Variants in TNKS observed in about 807,000 individuals in gnomAD.
TNKS encodes the protein tankyrase, also known as poly [ADP-ribose] polymerase tankyrase-1.
TNKS carries 72 observed loss-of-function variants against 135.8 expected under a neutral mutation model. The ratio of observed to expected loss-of-function variants is 0.53; its 90% confidence interval spans 0.44 to 0.64. TNKS has a LOEUF of 0.64. TNKS is among the 30% of genes least tolerant of loss of function. TNKS has a pLI of 0.00. For synonymous variants in TNKS, 849 were observed against 649.3 expected (o/e 1.31, Z -4.68); for missense variants, 1,769 against 1,674.0 (o/e 1.06, Z -0.99).
chr8:9,621,668 A>G (rs1455854259), intron 3 of TNKS, among the ~76,000 whole-genome samples: 1 of 152,142 alleles, frequency 6.6e-6, no homozygotes, highest in Non-Finnish European at 1.5e-5. Context: ...GGCATATTGC[A>G]TACCATGTGT....
intron 18 of TNKS, 120 bp downstream of exon 18, chr8:9,748,332 G>C (rs1806344459): frequency 2.2e-6 from 2 of 893,842 alleles, no homozygotes; most frequent in South Asian, 1.1e-4. Context: ...GAGATCTTCT[G>C]AAAATTTTTG....
At chr8:9,659,997 T>C (rs1484165133) in intron 3 of TNKS, among the ~76,000 whole-genome samples, 1 of 152,126 alleles carries the variant, frequency 6.6e-6, no homozygotes, top group Non-Finnish European at 1.5e-5. Flanking sequence ...AAGAAATGGA[T>C]AAATTCCTCG....
chr8:9,632,389 G>A (rs778097700), intron 3 of TNKS, among the ~76,000 whole-genome samples: 1 of 152,010 alleles, frequency 6.6e-6, no homozygotes, highest in Non-Finnish European at 1.5e-5. Context: ...AATTATTAAC[G>A]TATTTCAGGG....
intron 2 of TNKS, among the ~76,000 whole-genome samples, chr8:9,601,703 A>G (rs544155713): frequency 6.6e-6 from 1 of 152,288 alleles, no homozygotes; most frequent in East Asian, 1.9e-4. Context: ...CCTTTGTGAT[A>G]AAAAAGCTCT....
At chr8:9,698,373 T>TAAAAAAAAAAAAAAAA (rs1585342719) in intron 5 of TNKS, among the ~76,000 whole-genome samples, 1 of 12,278 alleles carries the variant, frequency 8.1e-5, no homozygotes, top group African/African-American at 3.0e-4. Context: ...AATTTTAAAA[T>TAAAAAAAAAAAAAAAA]GAAAAAAAAA....
At chr8:9,680,876 G>A (rs1802752914) in intron 5 of TNKS, 76 bp downstream of exon 5, 2 of 1,025,562 alleles carry the variant, frequency 2.0e-6, no homozygotes, top group South Asian at 1.4e-5. Context: ...ATATATATAA[G>A]CACGTATACC....
chr8:9,781,791 C>G lies in TNKS; in HGVS notation c.*5055C>G, dbSNP rs949193638. On this transcript the variant is annotated 3_prime_UTR_variant, in exon 27 of 27. Coordinates refer to ENST00000310430, the MANE Select transcript of TNKS (RefSeq NM_003747.3). ...TGTGTGAGCAACCAGTGTAGTGACT[C>G]TTTGGTTCATTATTCGTGTTGTTTT... The G allele has an allele frequency of 2.0e-5, 3 of 152,602 alleles. No individual in the cohort carries two copies. The highest frequency in any genetic ancestry group is 7.2e-5 in the African/African-American group (3 of 41,432). The allele number at this position is 152,602 out of a possible 1,614,324, so 9.5% of individuals were successfully genotyped here.
Position 9,699,560 on chromosome 8 carries a change from C to G in TNKS, c.1108-5103C>G, listed in dbSNP as rs139739305. Among the ~76,000 whole-genome samples the G allele has an allele frequency of 4.0e-4, 61 of 152,172 alleles. 1 individual carries two copies. The highest frequency in any genetic ancestry group is 6.8e-3 in the Middle Eastern group (2 of 294). On this transcript the variant is annotated intron_variant, in intron 5 of 26. Coordinates refer to ENST00000310430, the MANE Select transcript of TNKS (RefSeq NM_003747.3). ...TATTTCTATGTGCCTTCTAGTGATGCTATATAAGTTGCAGGATTAGCATTC... is the reference window on the plus strand; with the variant it reads ...TATTTCTATGTGCCTTCTAGTGATGGTATATAAGTTGCAGGATTAGCATTC...
chr8:9,633,913 A>G (rs1800396217), intron 3 of TNKS, among the ~76,000 whole-genome samples: 1 of 152,186 alleles, frequency 6.6e-6, no homozygotes, highest in South Asian at 2.1e-4. Context: ...CTTGTTGGAA[A>G]TGCTGAGTCA....
intron 5 of TNKS, 71 bp downstream of exon 5, chr8:9,680,871 T>C: frequency 9.5e-7 from 1 of 1,055,134 alleles, no homozygotes; most frequent in Non-Finnish European, 1.5e-6. Context: ...CATATATATA[T>C]ATAAGCACGT....
rs1805180963 is a variant in TNKS, at chr8:9,726,713, C to T, written c.1994C>T (p.Thr665Ile). 2.5e-6 allele frequency: 4 copies of T among 1,612,872 alleles called. No individual in the cohort carries two copies. The highest frequency in any genetic ancestry group is 2.2e-5 in the South Asian group (2 of 90,970). The change falls in exon 13 of 27, where the codon ACT becomes ATT. Residue 665 changes from threonine (T) to isoleucine (I), a missense_variant. Physicochemically the swap from Thr to Ile is moderately conservative, Grantham distance 89. Around this residue, in one of 5 missense-constraint regions of TNKS, gnomAD observed 523 missense variants for 541.0 expected, o/e 0.97. Transcript: ENST00000310430. ...LEASKAGDLETVKQLCSSQNV... is the reference protein window; with the variant it reads ...LEASKAGDLEIVKQLCSSQNV... Reference sequence around the variant, plus strand: ...GCATCTAAAGCTGGAGACTTGGAAACTGTGAAGGTAAGTCAGTGCCCTTAA... The same window carrying T: ...GCATCTAAAGCTGGAGACTTGGAAATTGTGAAGGTAAGTCAGTGCCCTTAA...
At chr8:9,711,559 G>A (rs1292971672) in intron 11 of TNKS, among the ~76,000 whole-genome samples, 1 of 152,190 alleles carries the variant, frequency 6.6e-6, no homozygotes, top group Non-Finnish European at 1.5e-5. Flanking sequence ...TGGTTATTTT[G>A]TGAAGTAGTA....
At chr8:9,684,403 G>T (rs1375911792) in intron 5 of TNKS, among the ~76,000 whole-genome samples, 10 of 151,864 alleles carry the variant, frequency 6.6e-5, no homozygotes, top group Admixed American at 6.6e-4. Context: ...ATAAATATTT[G>T]AATAAAATTA....
chr8:9,719,441 C>T (rs1183777732), intron 11 of TNKS, among the ~76,000 whole-genome samples: 1 of 152,124 alleles, frequency 6.6e-6, no homozygotes, highest in African/African-American at 2.4e-5. Context: ...TCTCAATAAC[C>T]TTAGTTTAAC....
At chr8:9,765,881 A>G (rs943330183) in intron 24 of TNKS, 84 bp downstream of exon 24, 14 of 1,122,780 alleles carry the variant, frequency 1.2e-5, no homozygotes, top group Middle Eastern at 2.0e-4. Context: ...TAAATTGACT[A>G]TAATACGGTT....
At position 9,679,743 on chromosome 8, in the gene TNKS, A is replaced by T. The variant is rs768117020; in HGVS notation, c.995-208A>T. ...GAAAGCTATTTCATCTGAGGATTGG[A>T]CAAGAAGCTGCGTCAATTTGCTGCC... On this transcript the variant is annotated intron_variant, in intron 3 of 26. Transcript: ENST00000310430. 48 of 516,396 alleles carry T rather than the reference A, an allele frequency of 9.3e-5. No individual in the cohort carries two copies. The Middle Eastern group carries it at 1.5e-3, about 16-fold the overall frequency. The allele number at this position is 516,396 out of a possible 1,614,324, so 32.0% of individuals were successfully genotyped here.
chr8:9,722,987 G>T (rs576476273), intron 12 of TNKS, among the ~76,000 whole-genome samples: 10 of 151,754 alleles, frequency 6.6e-5, no homozygotes, highest in Admixed American at 1.3e-4. Context: ...ATTTTTCTTC[G>T]ATTATTTTGA....
At chr8:9,690,741 C>T (rs1185871150) in intron 5 of TNKS, among the ~76,000 whole-genome samples, 2 of 152,142 alleles carry the variant, frequency 1.3e-5, no homozygotes, top group Non-Finnish European at 2.9e-5. Context: ...TTTGTGGCAA[C>T]TTGAATTACA....
chr8:9,733,441 A>C lies in TNKS; in HGVS notation c.2310A>C (p.Leu770Phe). 2.5e-6 allele frequency: 4 copies of C among 1,611,900 alleles called. No homozygotes were observed. Among genetic ancestry groups the C allele is most frequent in the Non-Finnish European group, 2.5e-6 (3 of 1,178,742 alleles). The change falls in exon 15 of 27, where the codon TTA (leucine) becomes TTC (phenylalanine). Residue 770 changes from leucine (L) to phenylalanine (F), a missense_variant. Coordinates refer to ENST00000310430, the MANE Select transcript of TNKS (RefSeq NM_003747.3). ...KGKYEICKLL[L>F]KHGADPTKKN... Reference sequence around the variant, plus strand: ...AGTATGAAATCTGCAAGCTCCTTTTAAAAGTATGTAGTTTAAAAAGTTATG... The same window carrying C: ...AGTATGAAATCTGCAAGCTCCTTTTCAAAGTATGTAGTTTAAAAAGTTATG...
Sources: allele counts gnomAD v4.1 joint callset (sites outside exome capture counted in the v4.1 genomes callset), GRCh38; gene constraint gnomAD v4.1.1; regional missense constraint gnomAD v4.1.1; transcripts MANE v1.5; gene names NCBI Gene and HGNC (gene_info 2026-07-23, HGNC 2026-07-21).